Variants in TRPC4 observed in about 807,000 individuals in gnomAD.
TRPC4 encodes transient receptor potential cation channel subfamily C member 4, also known as short transient receptor potential channel 4.
A neutral mutation model predicts 99.4 loss-of-function variants in TRPC4; 49 were observed. The observed-to-expected ratio is 0.49, with a 90% confidence interval of 0.39 to 0.63. TRPC4 has a LOEUF of 0.63. Among genes scored for constraint, TRPC4 ranks in the 20% least tolerant of loss-of-function variants. The probability of loss-of-function intolerance (pLI) is 0.00; values close to 1 mark genes in which losing one functional copy is unlikely to be tolerated. For missense variants in TRPC4, 898 were observed against 1,152.9 expected (o/e 0.78, Z 3.20); for synonymous variants, 454 against 425.9 (o/e 1.07, Z -0.81).
intron 3 of TRPC4, among the ~76,000 whole-genome samples, chr13:37,745,500 G>GTA (rs1166774394): frequency 9.3e-6 from 1 of 107,458 alleles, no homozygotes; most frequent in East Asian, 2.9e-4. Flanking sequence ...TTATATATAC[G>GTA]TATATATGTA....
intron 8 of TRPC4, among the ~76,000 whole-genome samples, chr13:37,649,764 C>CAAAAAAAAAAA (rs1555250154): frequency 2.3e-5 from 2 of 85,638 alleles, no homozygotes; most frequent in East Asian, 8.3e-4. Flanking sequence ...AAAAAAACAA[C>CAAAAAAAAAAA]AACAAAGAAC....
At chr13:37,821,583 T>A (rs1958012466) in intron 1 of TRPC4, among the ~76,000 whole-genome samples, 1 of 151,952 alleles carries the variant, frequency 6.6e-6, no homozygotes, top group African/African-American at 2.4e-5. Flanking sequence ...CTACAGTAAC[T>A]GAAACAGCAT....
At chr13:37,773,939 T>C (rs971282244) in intron 2 of TRPC4, among the ~76,000 whole-genome samples, 2 of 151,854 alleles carry the variant, frequency 1.3e-5, no homozygotes, top group African/African-American at 4.8e-5. Flanking sequence ...ACATAACATA[T>C]AAAGTCCAAA....
In TRPC4 at chr13:37,674,247, T is replaced by C. The variant is rs761159308; in HGVS notation, c.1355A>G (p.Lys452Arg). The change falls in exon 5 of 11, where the codon AAA becomes AGA. Residue 452 changes from lysine to arginine, a missense_variant. Physicochemically the swap from Lys to Arg is conservative, Grantham distance 26. Coordinates refer to ENST00000379705, the MANE Select transcript of TRPC4 (RefSeq NM_016179.4). Reference sequence around the variant, plus strand: ...AGTTACCTTTACAAATGCAACAATTTTCAAGGAGATTGTTGCTAAATATAA... The same window carrying C: ...AGTTACCTTTACAAATGCAACAATTCTCAAGGAGATTGTTGCTAAATATAA... ...NSLYLATISL[K>R]IVAFVKYSAL... The C allele has an allele frequency of 6.9e-6, 11 of 1,589,304 alleles. No homozygotes were observed. The Admixed American group carries it at 2.0e-4, about 28-fold the overall frequency.
intron 1 of TRPC4, among the ~76,000 whole-genome samples, chr13:37,846,158 G>A (rs1206272803): frequency 6.6e-6 from 1 of 152,132 alleles, no homozygotes; most frequent in Non-Finnish European, 1.5e-5. Context: ...CACTAGGCGT[G>A]ATTTATAGGA....
At chr13:37,683,175 T>C (rs567305676) in intron 4 of TRPC4, among the ~76,000 whole-genome samples, 2 of 151,860 alleles carry the variant, frequency 1.3e-5, no homozygotes, top group East Asian at 3.9e-4. Flanking sequence ...TCCAAGAAAA[T>C]CCCTCATAAA....
At chr13:37,829,206 C>A (rs1044508597) in intron 1 of TRPC4, among the ~76,000 whole-genome samples, 3 of 152,110 alleles carry the variant, frequency 2.0e-5, no homozygotes, top group Admixed American at 1.3e-4. Flanking sequence ...ATTTGCAAAT[C>A]ATGTCTACCA....
At chr13:37,727,974 A>G (rs1001331828) in intron 3 of TRPC4, among the ~76,000 whole-genome samples, 3 of 152,118 alleles carry the variant, frequency 2.0e-5, no homozygotes, top group African/African-American at 4.8e-5. Context: ...CAGGAAAATT[A>G]TTTGACAAAA....
intron 1 of TRPC4, among the ~76,000 whole-genome samples, chr13:37,846,925 T>C (rs1958922434): frequency 6.6e-6 from 1 of 151,972 alleles, no homozygotes; most frequent in African/African-American, 2.4e-5. Context: ...TTAGACAAAA[T>C]AGACTTTAAG....
At chr13:37,833,084 T>TA (rs1357806656) in intron 1 of TRPC4, among the ~76,000 whole-genome samples, 1 of 152,190 alleles carries the variant, frequency 6.6e-6, no homozygotes, top group Non-Finnish European at 1.5e-5. Flanking sequence ...TATCTCTTCC[T>TA]AAGCTCCTTC....
intron 3 of TRPC4, among the ~76,000 whole-genome samples, chr13:37,700,770 A>T (rs1178508520): frequency 6.6e-6 from 1 of 152,122 alleles, no homozygotes; most frequent in Non-Finnish European, 1.5e-5. Context: ...ATATATGTGA[A>T]GGGTTATATT....
intron 1 of TRPC4, among the ~76,000 whole-genome samples, chr13:37,783,674 T>C (rs539029349): frequency 9.2e-5 from 14 of 152,256 alleles, no homozygotes; most frequent in African/African-American, 3.4e-4. Context: ...AAGTTTATCG[T>C]AATTATATAT....
chr13:37,812,434 T>G (rs1238318478), intron 1 of TRPC4, among the ~76,000 whole-genome samples: 1 of 151,942 alleles, frequency 6.6e-6, no homozygotes, highest in Non-Finnish European at 1.5e-5. Flanking sequence ...CAAGAAAAGC[T>G]ACATTATGAC....
intron 3 of TRPC4, among the ~76,000 whole-genome samples, chr13:37,719,024 G>A (rs891979676): frequency 5.3e-5 from 8 of 152,028 alleles, no homozygotes; most frequent in Non-Finnish European, 1.2e-4. Context: ...AATCTTAAAA[G>A]CAGTCTGAGA....
chr13:37,759,542 A>C lies in TRPC4; in HGVS notation c.379-13087T>G, dbSNP rs375056496. The stretch of plus-strand genomic sequence containing the variant: ...CACACAGAAAAAATGTAAATAAAAA[A>C]TCTTATAAGCAATCCAATGGATCAA... On this transcript the variant is annotated intron_variant, in intron 2 of 10. Transcript: ENST00000379705. Among the ~76,000 whole-genome samples the C allele has an allele frequency of 4.6e-5, 7 of 152,084 alleles. No homozygotes were observed. In the South Asian group the frequency reaches 1.4e-3, roughly 32 times the overall value.
chr13:37,745,520 GTATATATGTATATATACGTATA>G (rs1566138696), intron 3 of TRPC4, among the ~76,000 whole-genome samples: 19 of 94,690 alleles, frequency 2.0e-4, no homozygotes, highest in Admixed American at 1.4e-3. Flanking sequence ...ATATATATAC[GTATATATGTATATATACGTATA>G]TATATATATA....
Position 37,635,700 on chromosome 13 carries a change from G to A in TRPC4, c.*1203C>T, listed in dbSNP as rs1014486736. On this transcript the variant is annotated 3_prime_UTR_variant, in exon 11 of 11. Transcript: ENST00000379705. ...GTAAAATTTAAGCTTTAAGTTTCTAGTATCAATTTTATGTAAGTTGCGAAC... is the reference window on the plus strand; with the variant it reads ...GTAAAATTTAAGCTTTAAGTTTCTAATATCAATTTTATGTAAGTTGCGAAC... 2.0e-5 allele frequency among the ~76,000 whole-genome samples: 3 copies of A among 152,070 alleles called. No homozygotes were observed. Among genetic ancestry groups the A allele is most frequent in the Admixed American group, 6.6e-5 (1 of 15,252 alleles).
At chr13:37,832,396 A>C (rs1013837480) in intron 1 of TRPC4, among the ~76,000 whole-genome samples, 3 of 151,958 alleles carry the variant, frequency 2.0e-5, no homozygotes, top group African/African-American at 7.3e-5. Context: ...AAAAAAGAAA[A>C]TTAGCTGGGC....
At chr13:37,665,840 C>CAAAAAAA (rs1168472231) in intron 5 of TRPC4, among the ~76,000 whole-genome samples, 5 of 71,014 alleles carry the variant, frequency 7.0e-5, no homozygotes, top group Admixed American at 1.7e-4. Context: ...TCAGCTGAGA[C>CAAAAAAA]AAAAAAAAAA....
Sources: allele counts gnomAD v4.1 joint callset (sites outside exome capture counted in the v4.1 genomes callset), GRCh38; gene constraint gnomAD v4.1.1; transcripts MANE v1.5; gene names NCBI Gene and HGNC (gene_info 2026-07-23, HGNC 2026-07-21).